The following ERCC6 variants were observed in gnomAD, a reference collection of about 807,000 sequenced individuals.
ERCC6 encodes the protein ERCC excision repair 6, chromatin remodeling factor.
ERCC6 carries 116 observed loss-of-function variants against 158.7 expected under a neutral mutation model. The ratio of observed to expected loss-of-function variants is 0.73; its 90% CI spans 0.63 to 0.85. ERCC6 has a LOEUF of 0.85. Among genes scored for constraint, ERCC6 ranks in the 40% least tolerant of loss-of-function variants. The probability of loss-of-function intolerance (pLI) is 0.00; values close to 1 mark genes in which losing one functional copy is unlikely to be tolerated. For synonymous variants in ERCC6, 678 were observed against 659.3 expected (o/e 1.03, Z -0.43); for missense variants, 1,698 against 1,799.4 (o/e 0.94, Z 1.02).
At chr10:49,447,081 G>C in the ERCC6 span, among the ~76,000 whole-genome samples, 1 of 152,008 alleles carries the variant, frequency 6.6e-6, no homozygotes, top group African/African-American at 2.4e-5. Context: ...ATGACAAACA[G>C]ATGATAACCA....
At chr10:49,537,068 G>A (rs1015967316) in intron 1 of ERCC6, among the ~76,000 whole-genome samples, 4 of 152,106 alleles carry the variant, frequency 2.6e-5, no homozygotes, top group Admixed American at 1.3e-4. Context: ...TACATTTGCC[G>A]GGAGCGGTGG....
the ERCC6 span, among the ~76,000 whole-genome samples, chr10:49,441,250 A>C: frequency 6.6e-6 from 1 of 152,240 alleles, no homozygotes; most frequent in Non-Finnish European, 1.5e-5. Flanking sequence ...TACTGTTTTC[A>C]AAGTAAGTCA....
the ERCC6 span, among the ~76,000 whole-genome samples, chr10:49,443,116 A>T: frequency 1.3e-5 from 2 of 152,210 alleles, no homozygotes; most frequent in Admixed American, 6.5e-5. Flanking sequence ...GTTCCCAGTG[A>T]TTTAACAGAA....
chr10:49,500,878 G>C, intron 6 of ERCC6, 182 bp from the exon 7 acceptor site: 1 of 644,156 alleles, frequency 1.6e-6, no homozygotes. Flanking sequence ...TGATCACCTA[G>C]GCATAAAAAT....
At chr10:49,463,439 T>C (rs1850618735) in intron 18 of ERCC6, among the ~76,000 whole-genome samples, 2 of 152,178 alleles carry the variant, frequency 1.3e-5, no homozygotes, top group African/African-American at 2.4e-5. Flanking sequence ...AAAGGAGGAA[T>C]AGCTCTCTGT....
chr10:49,534,133 C>CAAAAAAA (rs746772551), intron 1 of ERCC6, among the ~76,000 whole-genome samples: 11 of 60,276 alleles, frequency 1.8e-4, no homozygotes, highest in Non-Finnish European at 2.4e-4. Context: ...GACTCAATCT[C>CAAAAAAA]AAAAAAAAAA....
intron 8 of ERCC6, among the ~76,000 whole-genome samples, chr10:49,489,072 C>T (rs1047946246): frequency 1.3e-4 from 20 of 152,158 alleles, no homozygotes; most frequent in Non-Finnish European, 2.6e-4. Context: ...CGTGAGCCAC[C>T]GTGCCAGGCC....
At position 49,522,205 on chromosome 10, in the gene ERCC6, A is replaced by G. The variant is rs114150693; in HGVS notation, c.1397+1828T>C. Among the ~76,000 whole-genome samples, 941 of 152,296 alleles carry G rather than the reference A, an allele frequency of 6.2e-3. 12 individuals are homozygous for G. The highest frequency in any genetic ancestry group is 0.021 in the African/African-American group (883 of 41,538). On this transcript the variant is annotated intron_variant, in intron 5 of 20. Coordinates refer to ENST00000355832, the MANE Select transcript of ERCC6 (RefSeq NM_000124.4). ...AACCCTAAAGGTCTTTCTGTTTCTC[A>G]AGGGAATAGCATTACCATTTCAATT...
intron 14 of ERCC6, 42 bp from the exon 15 acceptor site, chr10:49,473,070 C>A (rs1302027051): frequency 6.2e-7 from 1 of 1,613,452 alleles, no homozygotes; most frequent in Non-Finnish European, 8.5e-7. Context: ...ACACTTAAGA[C>A]CAGTTACAGT....
At chr10:49,463,294 C>G (rs1850616395) in intron 18 of ERCC6, among the ~76,000 whole-genome samples, 2 of 152,022 alleles carry the variant, frequency 1.3e-5, no homozygotes, top group Admixed American at 1.3e-4. Flanking sequence ...TGACTGTGAC[C>G]CATCACATGA....
chr10:49,444,136 C>A, the ERCC6 span, among the ~76,000 whole-genome samples: 5 of 152,182 alleles, frequency 3.3e-5, no homozygotes, highest in Non-Finnish European at 7.3e-5. Flanking sequence ...CTTCCCCTGC[C>A]CTTGCCATGC....
the ERCC6 span, among the ~76,000 whole-genome samples, chr10:49,447,716 A>C: frequency 6.6e-6 from 1 of 151,002 alleles, no homozygotes; most frequent in Non-Finnish European, 1.5e-5. Context: ...AAAAAAAAAG[A>C]AAGAAAGAAA....
chr10:49,476,169 C>T, intron 12 of ERCC6, 46 bp downstream of exon 12: 1 of 1,345,922 alleles, frequency 7.4e-7, no homozygotes, highest in Admixed American at 1.7e-5. Context: ...TCCCTCACTT[C>T]TCTTGGTCCA....
rs1369489759 is a variant in ERCC6, at chr10:49,455,828, T to G, written c.*2987A>C. 6.6e-6 allele frequency: 1 copy of G among 152,226 alleles called. No individual in the cohort carries two copies. The highest frequency in any genetic ancestry group is 1.5e-5 in the Non-Finnish European group (1 of 68,038). The allele number at this position is 152,226 out of a possible 1,614,324, so 9.4% of individuals were successfully genotyped here. ...AAATTCAAGTGAAAACAAGGTACTT[T>G]CAATCACGAGACTGGTTAAAACAAA... is the stretch of plus-strand genomic sequence containing the variant. On this transcript the variant is annotated 3_prime_UTR_variant, in exon 21 of 21. Coordinates refer to ENST00000355832, the MANE Select transcript of ERCC6 (RefSeq NM_000124.4).
Position 49,459,137 on chromosome 10 carries a change from G to A in ERCC6, c.4160C>T (p.Ser1387Phe), listed in dbSNP as rs369444705. The part of the protein sequence containing the change: ...ADSSSGPLAS[S>F]SLLAKMRARN... ...AGCTCTCATTTTAGCCAAGAGTGAGGAGGAAGCGAGGGGCCCGGATGAAGA... is the reference window on the plus strand; with the variant it reads ...AGCTCTCATTTTAGCCAAGAGTGAGAAGGAAGCGAGGGGCCCGGATGAAGA... Residue 1387 changes from serine (S) to phenylalanine (F), a missense_variant, in exon 21 of 21, where the codon TCC (serine) becomes TTC (phenylalanine). Transcript: ENST00000355832. 6.2e-7 allele frequency: 1 copy of A among 1,614,230 alleles called. No individual in the cohort carries two copies. The highest frequency in any genetic ancestry group is 8.5e-7 in the Non-Finnish European group (1 of 1,180,048).
At chr10:49,487,579 C>T (rs868046530) in intron 8 of ERCC6, among the ~76,000 whole-genome samples, 1 of 152,138 alleles carries the variant, frequency 6.6e-6, no homozygotes, top group South Asian at 2.1e-4. Context: ...ACCTTTAGCA[C>T]CTCACCTGGT....
rs1554875536 is a variant in ERCC6, at chr10:49,472,938, G to C, written c.2800C>G (p.Pro934Ala). The change falls in exon 15 of 21, where the codon CCA (proline) becomes GCA (alanine). Residue 934 changes from proline to alanine, a missense_variant. By Grantham distance (27) the Pro-to-Ala change is conservative. Transcript: ENST00000355832. ...TGANRVVIYDPDWNPSTDTQA... is the reference protein window; with the variant it reads ...TGANRVVIYDADWNPSTDTQA... Reference sequence around the variant, plus strand: ...GTGTCCGTGCTTGGGTTCCAGTCTGGGTCATAGATGACAACTCTGTTTGCC... The same window carrying C: ...GTGTCCGTGCTTGGGTTCCAGTCTGCGTCATAGATGACAACTCTGTTTGCC... 2 of 1,613,634 alleles carry C rather than the reference G, an allele frequency of 1.2e-6. No homozygotes were observed. Among genetic ancestry groups the C allele is most frequent in the African/African-American group, 1.3e-5 (1 of 74,820 alleles).
At chr10:49,446,847 C>T in the ERCC6 span, among the ~76,000 whole-genome samples, 1 of 152,058 alleles carries the variant, frequency 6.6e-6, no homozygotes, top group Non-Finnish European at 1.5e-5. Context: ...GATAGCTTAA[C>T]CAGAAAGTTA....
chr10:49,502,038 C>T (rs1483202782), intron 6 of ERCC6: 1 of 151,992 alleles, frequency 6.6e-6, no homozygotes, highest in Non-Finnish European at 1.5e-5. Flanking sequence ...GGCTACCCAC[C>T]TTAAAAGAAG....
Sources: allele counts gnomAD v4.1 joint callset (sites outside exome capture counted in the v4.1 genomes callset), GRCh38; gene constraint gnomAD v4.1.1; transcripts MANE v1.5; gene names NCBI Gene and HGNC (gene_info 2026-07-23, HGNC 2026-07-21).